The following GNAL variants were observed in gnomAD, a reference collection of about 807,000 sequenced individuals.
GNAL encodes guanine nucleotide-binding protein G(olf) subunit alpha.
Under a neutral mutation model 55.1 loss-of-function variants are expected in GNAL, and 18 were observed. That is an observed-to-expected ratio of 0.33 (90% CI 0.23 to 0.48). The LOEUF is 0.48. Ranked by LOEUF, GNAL falls within the 20% of genes least tolerant of loss-of-function variation. GNAL has a pLI of 0.99. For missense variants in GNAL, 412 were observed against 614.1 expected (o/e 0.67, Z 3.48); for synonymous variants, 253 against 237.0 (o/e 1.07, Z -0.62).
intron 1 of GNAL, among the ~76,000 whole-genome samples, chr18:11,736,785 G>T (rs1215677029): frequency 2.0e-5 from 3 of 152,228 alleles, no homozygotes; most frequent in African/African-American, 7.2e-5. Context: ...AAGGACACTT[G>T]GTTCTGTTAG....
At chr18:11,870,768 AAT>A (rs1425611660) in intron 9 of GNAL, among the ~76,000 whole-genome samples, 1 of 152,218 alleles carries the variant, frequency 6.6e-6, no homozygotes, top group Non-Finnish European at 1.5e-5. Flanking sequence ...TTTTGGAAGA[AAT>A]ATTACCAAGG....
At chr18:11,739,688 A>G (rs2032535041) in intron 1 of GNAL, among the ~76,000 whole-genome samples, 1 of 151,640 alleles carries the variant, frequency 6.6e-6, no homozygotes, top group Admixed American at 6.6e-5. Context: ...TCCTGACTTA[A>G]ATTCAGGAAA....
At chr18:11,799,008 G>A (rs1381560156) in intron 4 of GNAL, among the ~76,000 whole-genome samples, 3 of 151,830 alleles carry the variant, frequency 2.0e-5, no homozygotes, top group Non-Finnish European at 4.4e-5. Flanking sequence ...AGCAACTTGG[G>A]AAGCTGAGGC....
chr18:11,696,240 C>T (rs1598398723), intron 1 of GNAL, among the ~76,000 whole-genome samples: 2 of 152,232 alleles, frequency 1.3e-5, no homozygotes, highest in Admixed American at 6.5e-5. Flanking sequence ...CGGTGGCTCA[C>T]CTCTGTAATC....
At chr18:11,796,198 A>G (rs774159916) in intron 4 of GNAL, among the ~76,000 whole-genome samples, 5 of 152,120 alleles carry the variant, frequency 3.3e-5, no homozygotes, top group Non-Finnish European at 7.4e-5. Flanking sequence ...ACCACCAACA[A>G]TGTGTGGTTT....
chr18:11,868,721 A>G lies in GNAL; in HGVS notation c.1031+58A>G. On this transcript the variant is annotated intron_variant, in intron 9 of 11. Transcript: ENST00000334049. The surrounding 1 kb of genome is among the most constrained non-coding windows in gnomAD (Gnocchi z 4.0). ...GGATTGCAAATTTTCTTTTGTTAAA[A>G]ATACGCTCAGGCCAGGCGTTGTGGC... 6.7e-7 allele frequency: 1 copy of G among 1,488,796 alleles called. No homozygotes were observed. The highest frequency in any genetic ancestry group is 9.2e-7 in the Non-Finnish European group (1 of 1,084,646). The allele number at this position is 1,488,796 out of a possible 1,614,324, so 92.2% of individuals were successfully genotyped here. A position where few individuals can be genotyped will look rare whatever the true frequency, so the allele number is the denominator to read the frequency against.
chr18:11,798,726 T>G (rs112522227), intron 4 of GNAL, among the ~76,000 whole-genome samples: 2 of 152,236 alleles, frequency 1.3e-5, no homozygotes, highest in East Asian at 3.8e-4. Context: ...TTTAAGGATA[T>G]TTTCTCTTGT....
chr18:11,760,822 G>A lies in GNAL; in HGVS notation c.624+6877G>A, dbSNP rs372772957. On this transcript the variant is annotated intron_variant, in intron 4 of 11. Coordinates refer to ENST00000334049, the MANE Select transcript of GNAL (RefSeq NM_182978.4). ...GAGGTGTGGGGCCAGCCCAAACTGT[G>A]TTCAAATTCTAGCCCTGCCAGACCC... Among the ~76,000 whole-genome samples, 5 of 152,330 alleles carry A rather than the reference G, an allele frequency of 3.3e-5. No individual in the cohort carries two copies. In the East Asian group the frequency reaches 9.6e-4, roughly 29 times the overall value.
At chr18:11,732,443 T>C (rs1013031735) in intron 1 of GNAL, among the ~76,000 whole-genome samples, 1 of 152,380 alleles carries the variant, frequency 6.6e-6, no homozygotes, top group East Asian at 1.9e-4. Flanking sequence ...TCATTTCTTA[T>C]GCAAATTGGT....
intron 1 of GNAL, among the ~76,000 whole-genome samples, chr18:11,715,460 C>CAAAAA (rs34339537): frequency 1.0e-4 from 7 of 67,572 alleles, no homozygotes; most frequent in Admixed American, 3.6e-4. Flanking sequence ...GACTCCATCT[C>CAAAAA]AAAAAAAAAA....
intron 4 of GNAL, among the ~76,000 whole-genome samples, chr18:11,799,263 GT>G: frequency 6.6e-6 from 1 of 152,254 alleles, no homozygotes; most frequent in Middle Eastern, 3.4e-3. Flanking sequence ...TTGAAAGAAA[GT>G]ATCATGTCTC....
At chr18:11,867,142 A>ATTT in intron 7 of GNAL, 26 bp from the exon 8 acceptor site, 1 of 1,585,718 alleles carries the variant, frequency 6.3e-7, no homozygotes, top group Non-Finnish European at 8.7e-7. Flanking sequence ...CCCCCAAATA[A>ATTT]TTGTGTTCCT....
rs147888666 is a variant in GNAL, at chr18:11,851,814, G to A, written c.723-10581G>A. On this transcript the variant is annotated intron_variant, in intron 5 of 11. Coordinates refer to ENST00000334049, the MANE Select transcript of GNAL (RefSeq NM_182978.4). ...CTGGTGTGGTTAAGTCGATGGATGC[G>A]ACATTGAAGACCATGAATCTGGAGA... 237 of 1,613,830 alleles carry A rather than the reference G, an allele frequency of 1.5e-4. 1 individual carries two copies. In the Admixed American group the frequency reaches 2.3e-3, roughly 16 times the overall value.
At chr18:11,768,695 A>C (rs1483806124) in intron 4 of GNAL, among the ~76,000 whole-genome samples, 2 of 150,276 alleles carry the variant, frequency 1.3e-5, no homozygotes, top group African/African-American at 4.9e-5. Flanking sequence ...GAGATCAAGA[A>C]CATCCTGGCT....
At chr18:11,753,477 A>G (rs2032932001) in intron 2 of GNAL, 151 bp from the exon 3 acceptor site, 9 of 579,282 alleles carry the variant, frequency 1.6e-5, no homozygotes, top group Admixed American at 1.0e-4. Context: ...TTTCCCAGAT[A>G]AAACCTTTGC....
chr18:11,768,986 T>TATATATA (rs2033520259), intron 4 of GNAL, among the ~76,000 whole-genome samples: 1 of 93,952 alleles, frequency 1.1e-5, no homozygotes, highest in Non-Finnish European at 1.8e-5. Context: ...TATTATATAT[T>TATATATA]CTATATTATA....
intron 1 of GNAL, among the ~76,000 whole-genome samples, chr18:11,741,492 A>G (rs905479793): frequency 6.6e-6 from 1 of 152,244 alleles, no homozygotes. Flanking sequence ...TGTAATCGTT[A>G]CAGAATTCAG....
intron 1 of GNAL, among the ~76,000 whole-genome samples, chr18:11,740,871 T>C (rs1196709529): frequency 6.6e-6 from 1 of 152,250 alleles, no homozygotes; most frequent in Non-Finnish European, 1.5e-5. Context: ...TGAAGCTCTG[T>C]GCCCCTTCCT....
intron 4 of GNAL, among the ~76,000 whole-genome samples, chr18:11,777,699 GTAAAC>G (rs1342477031): frequency 6.6e-6 from 1 of 152,140 alleles, no homozygotes; most frequent in African/African-American, 2.4e-5. Context: ...AATCAAGTAG[GTAAAC>G]TAGATGGGTA....
Sources: gnomAD v4.1 joint callset for allele counts (sites outside exome capture counted in the v4.1 genomes callset) on GRCh38, gnomAD v4.1.1 for gene constraint, Gnocchi (gnomAD v3.1) non-coding constraint, MANE v1.5 for transcripts, NCBI Gene and HGNC (gene_info 2026-07-23, HGNC 2026-07-21) for gene names.